PDE10A: variants seen among roughly 807,000 people sequenced by gnomAD.
The protein encoded by PDE10A is cAMP and cAMP-inhibited cGMP 3',5'-cyclic phosphodiesterase 10A.
A neutral mutation model predicts 97.7 loss-of-function variants in PDE10A; 39 were observed. The observed-to-expected ratio is 0.40, with a 90% CI of 0.31 to 0.52. The LOEUF is 0.52. Among genes scored for constraint, PDE10A ranks in the 20% least tolerant of loss-of-function variants. The pLI is 0.56. For missense variants in PDE10A, 731 were observed against 1,047.8 expected (o/e 0.70, Z 4.17); for synonymous variants, 371 against 376.8 (o/e 0.98, Z 0.18).
At chr6:165,342,204 T>C (rs1490702787) in intron 19 of PDE10A, among the ~76,000 whole-genome samples, 1 of 152,206 alleles carries the variant, frequency 6.6e-6, no homozygotes, top group East Asian at 1.9e-4. Context: ...TTCTAGGATA[T>C]GTTGTTCTGT....
intron 8 of PDE10A, among the ~76,000 whole-genome samples, chr6:165,430,667 T>C (rs149542845): frequency 6.6e-6 from 1 of 152,140 alleles, no homozygotes; most frequent in African/African-American, 2.4e-5. Flanking sequence ...AGCATTCAGG[T>C]CTGGATAGTC....
rs149814231 is a variant in PDE10A at position 165,883,019 on chromosome 6, C to T, written c.-615+104510G>A. Among the ~76,000 whole-genome samples, 20 of 151,598 alleles carry T rather than the reference C, an allele frequency of 1.3e-4. 1 individual carries two copies. In the East Asian group the frequency reaches 3.9e-3, roughly 30 times the overall value. Reference sequence around the variant, plus strand: ...GGGAGGCGGAGGCGGGCAGATTGCTCGAGGTCAGGAGTTTGAGACCAGCTT... The same window carrying T: ...GGGAGGCGGAGGCGGGCAGATTGCTTGAGGTCAGGAGTTTGAGACCAGCTT... On this transcript the variant is annotated intron_variant, in intron 1 of 19. Transcript: ENST00000366882.
chr6:165,450,466 TAA>T (rs1791210619), intron 3 of PDE10A, 104 bp from the exon 4 acceptor site: 4 of 460,452 alleles, frequency 8.7e-6, no homozygotes, highest in African/African-American at 4.0e-5. Flanking sequence ...CTTAATATAC[TAA>T]GTTATTCATT....
chr6:165,921,109 T>C (rs1782740802), intron 1 of PDE10A, among the ~76,000 whole-genome samples: 1 of 152,234 alleles, frequency 6.6e-6, no homozygotes, highest in African/African-American at 2.4e-5. Context: ...TTCAGATCTA[T>C]GTACCAAAGC....
intron 1 of PDE10A, among the ~76,000 whole-genome samples, chr6:165,877,595 C>A (rs937726509): frequency 6.6e-6 from 1 of 152,068 alleles, no homozygotes; most frequent in East Asian, 1.9e-4. Context: ...TTGAAATATG[C>A]ATAATTGTGA....
At chr6:165,620,584 T>TG (rs149975898) in intron 1 of PDE10A, among the ~76,000 whole-genome samples, 29,516 of 151,922 alleles carry the variant, frequency 0.19, 4,330 homozygotes, top group African/African-American at 0.42. Flanking sequence ...AGTAAATGGA[T>TG]GGGTGCACTG....
intron 1 of PDE10A, among the ~76,000 whole-genome samples, chr6:165,651,206 G>C (rs1789670391): frequency 6.6e-6 from 1 of 152,172 alleles, no homozygotes; most frequent in Non-Finnish European, 1.5e-5. Context: ...CATTTTCACA[G>C]GTGTTATTTT....
At position 165,402,479 on chromosome 6, in the gene PDE10A, C is replaced by A. The variant is rs183047604; in HGVS notation, c.2077-6020G>T. ...AGTAGATGATTTTATCATACTCATG[C>A]AAACTACTGATGAAGGTAGAAAACT... On this transcript the variant is annotated intron_variant, in intron 13 of 21. Transcript: ENST00000539869. Among the ~76,000 whole-genome samples the A allele has an allele frequency of 1.8e-3, 276 of 152,128 alleles. 1 individual carries two copies. The highest frequency in any genetic ancestry group is 6.5e-3 in the African/African-American group (270 of 41,512).
intron 2 of PDE10A, among the ~76,000 whole-genome samples, chr6:165,532,771 C>T (rs1323867141): frequency 6.6e-6 from 1 of 152,148 alleles, no homozygotes; most frequent in East Asian, 1.9e-4. Context: ...CTAGTTCAAC[C>T]ACTCCAAGAA....
intron 1 of PDE10A, among the ~76,000 whole-genome samples, chr6:165,623,038 G>A (rs572481321): frequency 1.3e-5 from 2 of 152,244 alleles, no homozygotes; most frequent in East Asian, 3.9e-4. Flanking sequence ...AACTTCCTGA[G>A]GCCCACCCAG....
Position 165,767,740 on chromosome 6 carries a change from C to T in PDE10A, c.-615+219789G>A, listed in dbSNP as rs147467531. 4.5e-3 allele frequency among the ~76,000 whole-genome samples: 692 copies of T among 152,258 alleles called. 5 individuals are homozygous for T. Among genetic ancestry groups the T allele is most frequent in the African/African-American group, 0.015 (630 of 41,546 alleles). ...TGGACTATTATTAGTAATGCTGCTA[C>T]GAACATTCAAATCCTCGTGTCTGTG... On this transcript the variant is annotated intron_variant, in intron 1 of 19. Coordinates refer to the PDE10A transcript ENST00000366882.
chr6:165,562,747 A>G (rs1055999806), intron 1 of PDE10A, among the ~76,000 whole-genome samples: 1 of 152,232 alleles, frequency 6.6e-6, no homozygotes, highest in African/African-American at 2.4e-5. Flanking sequence ...GAATTGTCAC[A>G]GTCAGAGCCC....
intron 1 of PDE10A, among the ~76,000 whole-genome samples, chr6:165,726,517 G>A (rs1161241354): frequency 1.3e-5 from 2 of 150,728 alleles, no homozygotes; most frequent in Non-Finnish European, 3.0e-5. Flanking sequence ...AAGAGCACGG[G>A]TGCCGAGCAC....
chr6:165,712,940 C>G (rs576711950), intron 1 of PDE10A, among the ~76,000 whole-genome samples: 1 of 152,140 alleles, frequency 6.6e-6, no homozygotes, highest in South Asian at 2.1e-4. Context: ...GCACCCGGCC[C>G]GTTTTAACTT....
intron 18 of PDE10A, among the ~76,000 whole-genome samples, chr6:165,349,716 G>T (rs1483004035): frequency 6.6e-6 from 1 of 152,128 alleles, no homozygotes; most frequent in Admixed American, 6.6e-5. Context: ...AAATGGTTTC[G>T]TGGGCCCCCC....
At chr6:165,848,410 G>A (rs1030164956) in intron 1 of PDE10A, among the ~76,000 whole-genome samples, 4 of 152,178 alleles carry the variant, frequency 2.6e-5, no homozygotes, top group Non-Finnish European at 5.9e-5. Flanking sequence ...GTCACTTTAC[G>A]TCGGGCTGTT....
intron 1 of PDE10A, among the ~76,000 whole-genome samples, chr6:165,588,287 T>TTC (rs377532823): frequency 0.29 from 19,780 of 68,700 alleles, 2,571 homozygotes; most frequent in Admixed American, 0.36. Context: ...TTTTCTTTTT[T>TTC]TTTTTTTTTT....
chr6:165,507,494 G>A (rs1781265193), intron 2 of PDE10A, among the ~76,000 whole-genome samples: 2 of 152,028 alleles, frequency 1.3e-5, no homozygotes, highest in Non-Finnish European at 2.9e-5. Flanking sequence ...CTGGAAGACA[G>A]ACACCCCAGT....
intron 2 of PDE10A, among the ~76,000 whole-genome samples, chr6:165,513,838 A>G (rs886632284): frequency 1.4e-4 from 22 of 152,074 alleles, no homozygotes; most frequent in African/African-American, 5.3e-4. Context: ...TTATTTTTGT[A>G]CATTGACCAT....
Sources: gnomAD v4.1 joint callset for allele counts (sites outside exome capture counted in the v4.1 genomes callset) on GRCh38, gnomAD v4.1.1 for gene constraint, MANE v1.5 for transcripts, NCBI Gene and HGNC (gene_info 2026-07-23, HGNC 2026-07-21) for gene names.